Variants in WDFY2 observed in about 807,000 individuals in gnomAD.
WDFY2 encodes the protein WD repeat and FYVE domain-containing protein 2.
In WDFY2, 36 loss-of-function variants were observed where a neutral mutation model predicts 56.4. That is an observed-to-expected ratio of 0.64 (90% CI 0.49 to 0.84). The LOEUF (loss-of-function observed/expected upper bound fraction) is 0.84, where lower values mean the gene tolerates loss of function less well. Among genes scored for constraint, WDFY2 ranks in the 40% least tolerant of loss-of-function variants. WDFY2 has a pLI of 0.00. For synonymous variants in WDFY2, 176 were observed against 183.7 expected (o/e 0.96, Z 0.34); for missense variants, 444 against 512.2 (o/e 0.87, Z 1.29).
intron 3 of WDFY2, among the ~76,000 whole-genome samples, chr13:51,695,001 C>T (rs1041113571): frequency 2.0e-5 from 3 of 152,154 alleles, no homozygotes; most frequent in African/African-American, 7.2e-5. Flanking sequence ...GCATTCTTCA[C>T]GTAGTTCTCA....
intron 1 of WDFY2, among the ~76,000 whole-genome samples, chr13:51,644,374 T>G (rs1216214954): frequency 6.6e-6 from 1 of 152,222 alleles, no homozygotes; most frequent in Non-Finnish European, 1.5e-5. Flanking sequence ...TGTTTGTAAT[T>G]CTCACCTGGT....
chr13:51,647,597 T>C (rs1047568401), intron 1 of WDFY2, among the ~76,000 whole-genome samples: 1 of 151,964 alleles, frequency 6.6e-6, no homozygotes, highest in Admixed American at 6.6e-5. Flanking sequence ...CTCTATAAAA[T>C]TTTTTAAAAA....
At chr13:51,713,708 G>C (rs938969342) in intron 4 of WDFY2, among the ~76,000 whole-genome samples, 1 of 151,998 alleles carries the variant, frequency 6.6e-6, no homozygotes, top group Non-Finnish European at 1.5e-5. Context: ...ATTAGCCTGC[G>C]TGGTGGTGTG....
chr13:51,738,608 T>C (rs1952894921), intron 6 of WDFY2, among the ~76,000 whole-genome samples: 1 of 152,254 alleles, frequency 6.6e-6, no homozygotes, highest in Non-Finnish European at 1.5e-5. Flanking sequence ...TATTGTGGCC[T>C]AATTAAATCT....
intron 3 of WDFY2, among the ~76,000 whole-genome samples, chr13:51,676,440 G>A (rs1226819453): frequency 6.6e-6 from 1 of 152,152 alleles, no homozygotes; most frequent in African/African-American, 2.4e-5. Context: ...CTGGTGAAGG[G>A]TGTATTTGTC....
intron 1 of WDFY2, among the ~76,000 whole-genome samples, chr13:51,658,061 C>T (rs1955542934): frequency 6.6e-6 from 1 of 152,074 alleles, no homozygotes; most frequent in African/African-American, 2.4e-5. Flanking sequence ...TTGTTAAGAA[C>T]TGGACGTTTT....
In WDFY2 at chr13:51,735,848, C is replaced by T. The variant is rs1389251474; in HGVS notation, c.599-3201C>T. 2.0e-5 allele frequency among the ~76,000 whole-genome samples: 3 copies of T among 152,164 alleles called. No homozygotes were observed. The East Asian group carries it at 5.8e-4, about 29-fold the overall frequency. ...CCATCCTAAACTTTTTCTTGTCTTG[C>T]AGCTTTTCCTTCTATCTCTTCCACT... On this transcript the variant is annotated intron_variant, in intron 6 of 11. Transcript: ENST00000298125.
intron 1 of WDFY2, among the ~76,000 whole-genome samples, chr13:51,628,102 CCT>C (rs1310303461): frequency 3.3e-5 from 5 of 152,300 alleles, no homozygotes; most frequent in African/African-American, 1.2e-4. Flanking sequence ...GGGACCCACC[CCT>C]TTCTGCCCAG....
At chr13:51,672,286 G>A (rs903868748) in intron 2 of WDFY2, among the ~76,000 whole-genome samples, 8 of 152,230 alleles carry the variant, frequency 5.3e-5, no homozygotes, top group South Asian at 2.1e-4. Context: ...TTATCCCAGC[G>A]CTGTTTGTCG....
chr13:51,743,658 C>T (rs552849670), intron 7 of WDFY2, among the ~76,000 whole-genome samples: 64 of 152,236 alleles, frequency 4.2e-4, no homozygotes, highest in Admixed American at 2.1e-3. Flanking sequence ...CAGCTACATA[C>T]CAGACTTTGT....
At chr13:51,750,537 CA>C (rs61355886) in intron 7 of WDFY2, among the ~76,000 whole-genome samples, 34 of 139,286 alleles carry the variant, frequency 2.4e-4, no homozygotes, top group Non-Finnish European at 2.3e-4. Context: ...GACGAACATA[CA>C]AAAAAAAAAA....
At chr13:51,658,491 A>G (rs968364136) in intron 1 of WDFY2, among the ~76,000 whole-genome samples, 3 of 152,204 alleles carry the variant, frequency 2.0e-5, no homozygotes, top group African/African-American at 7.2e-5. Context: ...ATGAGCCGCA[A>G]TCTCCATGGC....
At position 51,714,352 on chromosome 13, in the gene WDFY2, T is replaced by C. The variant is rs180858639; in HGVS notation, c.335-4846T>C. Among the ~76,000 whole-genome samples, 932 of 152,236 alleles carry C rather than the reference T, an allele frequency of 6.1e-3. 9 individuals carry two copies. Among genetic ancestry groups the C allele is most frequent in the African/African-American group, 0.018 (766 of 41,520 alleles). ...TGTCGCCCAGGCTGGAGTGCAGTGG[T>C]GTGATCTTGGCTCACCGCAACCTCT... On this transcript the variant is annotated intron_variant, in intron 4 of 11. Coordinates refer to ENST00000298125, the MANE Select transcript of WDFY2 (RefSeq NM_052950.4).
In WDFY2 at chr13:51,584,672, C is replaced by A; in HGVS notation, c.-16C>A. The A allele has an allele frequency of 6.2e-7, 1 of 1,606,158 alleles. No homozygotes were observed. The highest frequency in any genetic ancestry group is 8.5e-7 in the Non-Finnish European group (1 of 1,177,214). ...GCGCGGTTGGCGGCGGCGCCCCAGGCGCGCCCCCTCCTCCGATGGCGGCGG... is the reference window on the plus strand; with the variant it reads ...GCGCGGTTGGCGGCGGCGCCCCAGGAGCGCCCCCTCCTCCGATGGCGGCGG... On this transcript the variant is annotated 5_prime_UTR_variant, in exon 1 of 12. Transcript: ENST00000298125.
At chr13:51,683,234 T>C (rs1019151912) in intron 3 of WDFY2, among the ~76,000 whole-genome samples, 1 of 152,224 alleles carries the variant, frequency 6.6e-6, no homozygotes, top group African/African-American at 2.4e-5. Context: ...TTGCTTTCTA[T>C]TGTTTTAGGA....
chr13:51,586,109 T>A (rs1377028587), intron 1 of WDFY2: 1 of 398,430 alleles, frequency 2.5e-6, no homozygotes, highest in Non-Finnish European at 4.4e-6. Context: ...ATGGAGTACA[T>A]GGATGTAGGA....
chr13:51,635,205 A>G (rs1406599913), intron 1 of WDFY2, among the ~76,000 whole-genome samples: 1 of 152,142 alleles, frequency 6.6e-6, no homozygotes, highest in Admixed American at 6.6e-5. Context: ...CGGCCTCCCA[A>G]AGTCCTGGGA....
At chr13:51,680,813 T>C (rs1372797540) in intron 3 of WDFY2, among the ~76,000 whole-genome samples, 2 of 152,166 alleles carry the variant, frequency 1.3e-5, no homozygotes, top group African/African-American at 4.8e-5. Context: ...AGGATAATGG[T>C]GGCAGAGCTA....
intron 2 of WDFY2, among the ~76,000 whole-genome samples, chr13:51,663,912 A>G (rs1229547373): frequency 6.6e-6 from 1 of 152,254 alleles, no homozygotes; most frequent in Non-Finnish European, 1.5e-5. Flanking sequence ...GAAAATAAAA[A>G]GAAAATATTC....
Sources: allele counts gnomAD v4.1 joint callset (sites outside exome capture counted in the v4.1 genomes callset), GRCh38; gene constraint gnomAD v4.1.1; transcripts MANE v1.5; gene names NCBI Gene and HGNC (gene_info 2026-07-23, HGNC 2026-07-21).